The following ADAMTS12 variants were observed in gnomAD, a reference collection of about 807,000 sequenced individuals.
ADAMTS12 encodes the protein ADAM metallopeptidase with thrombospondin type 1 motif 12.
A neutral mutation model predicts 167.8 loss-of-function variants in ADAMTS12; 118 were observed. The observed-to-expected ratio is 0.70, with a 90% CI of 0.61 to 0.82. The LOEUF is 0.82. ADAMTS12 is among the 40% of genes least tolerant of loss of function. The pLI, the probability that ADAMTS12 is intolerant of heterozygous loss-of-function variation, is 0.00. For synonymous variants in ADAMTS12, 704 were observed against 716.9 expected, an observed-to-expected ratio of 0.98 and a Z score of 0.29; for missense variants, 1,916 against 1,998.8, an observed-to-expected ratio of 0.96 and a Z score of 0.79.
chr5:33,682,894 C>G, intron 5 of ADAMTS12, 124 bp downstream of exon 5: 1 of 695,926 alleles, frequency 1.4e-6, no homozygotes, highest in Non-Finnish European at 2.4e-6. Flanking sequence ...TAATATTTTC[C>G]TTCTCGATGG....
intron 3 of ADAMTS12, among the ~76,000 whole-genome samples, chr5:33,741,351 C>G (rs1417478210): frequency 6.6e-6 from 1 of 152,170 alleles, no homozygotes; most frequent in African/African-American, 2.4e-5. Flanking sequence ...ATGGGGCTTT[C>G]TCTCTGTGTC....
At chr5:33,573,947 G>T (rs1191676896) in intron 19 of ADAMTS12, among the ~76,000 whole-genome samples, 1 of 152,224 alleles carries the variant, frequency 6.6e-6, no homozygotes, top group African/African-American at 2.4e-5. Context: ...GATATGAGCA[G>T]ATACTTCTCA....
chr5:33,672,057 TCACATACATACAAACC>T (rs1450768311), intron 5 of ADAMTS12, among the ~76,000 whole-genome samples: 22 of 99,418 alleles, frequency 2.2e-4, no homozygotes, highest in Non-Finnish European at 3.8e-4. Context: ...ACATACACAC[TCACATACATACAAACC>T]CACATACATA....
chr5:33,763,156 G>A (rs948246523), intron 2 of ADAMTS12, among the ~76,000 whole-genome samples: 3 of 152,302 alleles, frequency 2.0e-5, no homozygotes, highest in East Asian at 1.9e-4. Context: ...AGCTGTCAAC[G>A]TCCTAATCCC....
At chr5:33,568,537 C>G (rs1432597026) in intron 19 of ADAMTS12, among the ~76,000 whole-genome samples, 3 of 152,202 alleles carry the variant, frequency 2.0e-5, no homozygotes, top group African/African-American at 4.8e-5. Flanking sequence ...CCAATTGTGT[C>G]TTCAGAGAAA....
chr5:33,668,907 T>C (rs1211231149), intron 5 of ADAMTS12, among the ~76,000 whole-genome samples: 1 of 152,226 alleles, frequency 6.6e-6, no homozygotes, highest in African/African-American at 2.4e-5. Context: ...GGCAAATATC[T>C]TGATTCAATA....
At chr5:33,743,537 C>T (rs1430189274) in intron 3 of ADAMTS12, among the ~76,000 whole-genome samples, 2 of 152,256 alleles carry the variant, frequency 1.3e-5, no homozygotes, top group Non-Finnish European at 2.9e-5. Context: ...CCTCTCTACC[C>T]AAGAGCTCTC....
chr5:33,583,433 A>G (rs946759930), intron 18 of ADAMTS12, among the ~76,000 whole-genome samples: 2 of 148,050 alleles, frequency 1.4e-5, no homozygotes, highest in Non-Finnish European at 2.9e-5. Flanking sequence ...TAGCTATTGC[A>G]AACAGCGCTG....
intron 2 of ADAMTS12, among the ~76,000 whole-genome samples, chr5:33,815,772 AG>A (rs1367126999): frequency 6.6e-6 from 1 of 152,194 alleles, no homozygotes; most frequent in Non-Finnish European, 1.5e-5. Context: ...AAAGGTATCC[AG>A]GACCAGTCCT....
chr5:33,627,291 G>A, intron 13 of ADAMTS12, among the ~76,000 whole-genome samples: 1 of 150,698 alleles, frequency 6.6e-6, no homozygotes, highest in Non-Finnish European at 1.5e-5. Context: ...TGTGGTAGTG[G>A]TGGTGTTGAT....
intron 2 of ADAMTS12, among the ~76,000 whole-genome samples, chr5:33,810,323 GTTCACAT>G (rs1747408748): frequency 3.3e-5 from 5 of 152,140 alleles, no homozygotes; most frequent in Admixed American, 1.3e-4. Context: ...AAAATCCCAT[GTTCACAT>G]AACCAAATGT....
intron 2 of ADAMTS12, among the ~76,000 whole-genome samples, chr5:33,811,564 C>A (rs1389194238): frequency 6.6e-6 from 1 of 152,128 alleles, no homozygotes; most frequent in Admixed American, 6.5e-5. Flanking sequence ...GTTCAAGGAA[C>A]CAGAGGACCA....
intron 2 of ADAMTS12, among the ~76,000 whole-genome samples, chr5:33,867,908 T>C (rs1162743466): frequency 6.6e-6 from 1 of 152,146 alleles, no homozygotes; most frequent in Non-Finnish European, 1.5e-5. Flanking sequence ...GGGAGGTGAT[T>C]TGGATCATGG....
At chr5:33,543,626 A>G (rs570233238) in intron 22 of ADAMTS12, among the ~76,000 whole-genome samples, 20 of 152,316 alleles carry the variant, frequency 1.3e-4, no homozygotes, top group Admixed American at 9.8e-4. Context: ...AATACTGGCA[A>G]ACTGAATCAA....
At chr5:33,826,038 G>A (rs1164496863) in intron 2 of ADAMTS12, among the ~76,000 whole-genome samples, 4 of 152,064 alleles carry the variant, frequency 2.6e-5, no homozygotes, top group Admixed American at 1.3e-4. Context: ...ATTTGACTTC[G>A]TTATGTGAAC....
intron 3 of ADAMTS12, among the ~76,000 whole-genome samples, chr5:33,704,407 T>G (rs1018005348): frequency 3.3e-5 from 5 of 152,350 alleles, no homozygotes; most frequent in African/African-American, 1.2e-4. Context: ...ATTTTTATTT[T>G]TTAAGGAATA....
chr5:33,638,031 A>G (rs1740277376), intron 11 of ADAMTS12, among the ~76,000 whole-genome samples: 1 of 152,174 alleles, frequency 6.6e-6, no homozygotes, highest in East Asian at 1.9e-4. Context: ...CCTTTCGAGT[A>G]TGCTCCTTCT....
At chr5:33,770,038 G>A (rs1414939389) in intron 2 of ADAMTS12, among the ~76,000 whole-genome samples, 1 of 152,114 alleles carries the variant, frequency 6.6e-6, no homozygotes, top group Non-Finnish European at 1.5e-5. Context: ...AAAATATCAT[G>A]TCTGGGGATG....
intron 22 of ADAMTS12, among the ~76,000 whole-genome samples, chr5:33,538,658 C>T (rs115337979): frequency 0.014 from 2,158 of 152,260 alleles, 46 homozygotes; most frequent in African/African-American, 0.05. Context: ...TGCCACAACA[C>T]GCAGTAGTTC....
Sources: allele counts gnomAD v4.1 joint callset (sites outside exome capture counted in the v4.1 genomes callset), GRCh38; gene constraint gnomAD v4.1.1; transcripts MANE v1.5; gene names NCBI Gene and HGNC (gene_info 2026-07-23, HGNC 2026-07-21).